The following PCCA variants were observed in gnomAD, a reference collection of about 807,000 sequenced individuals.
The protein encoded by PCCA is propionyl-CoA carboxylase subunit alpha, also known as propionyl-CoA carboxylase alpha chain, mitochondrial.
PCCA carries 74 observed loss-of-function variants against 101.3 expected under a neutral mutation model. The ratio of observed to expected loss-of-function variants is 0.73; its 90% CI spans 0.61 to 0.89. PCCA has a LOEUF of 0.89. Among genes scored for constraint, PCCA ranks in the 40% least tolerant of loss-of-function variants. PCCA has a pLI of 0.00. For missense variants in PCCA, 891 were observed against 907.0 expected, an observed-to-expected ratio of 0.98 and a Z score of 0.23; for synonymous variants, 294 against 313.6, an observed-to-expected ratio of 0.94 and a Z score of 0.66.
At chr13:100,409,543 G>A (rs2077900428) in intron 19 of PCCA, among the ~76,000 whole-genome samples, 1 of 152,108 alleles carries the variant, frequency 6.6e-6, no homozygotes, top group South Asian at 2.1e-4. Context: ...GGGCCAAACG[G>A]TGCAGATGGT....
At chr13:100,142,470 G>A (rs2152347083) in intron 4 of PCCA, among the ~76,000 whole-genome samples, 1 of 149,026 alleles carries the variant, frequency 6.7e-6, no homozygotes, top group African/African-American at 2.5e-5. Context: ...GATGAAATGA[G>A]CCTTCTTTTT....
chr13:100,283,426 A>C (rs1457440222), intron 12 of PCCA, among the ~76,000 whole-genome samples: 1 of 152,168 alleles, frequency 6.6e-6, no homozygotes, highest in Non-Finnish European at 1.5e-5. Flanking sequence ...TGAATTATTC[A>C]ATGATGTCCG....
At chr13:100,475,211 C>T (rs113109324) in intron 21 of PCCA, among the ~76,000 whole-genome samples, 161 of 152,200 alleles carry the variant, frequency 1.1e-3, no homozygotes, top group Non-Finnish European at 2.0e-3. Flanking sequence ...CAGCACCCAG[C>T]GATTCACTGG....
intron 14 of PCCA, among the ~76,000 whole-genome samples, chr13:100,306,638 A>G (rs925673053): frequency 6.0e-5 from 9 of 149,390 alleles, no homozygotes; most frequent in Non-Finnish European, 1.5e-5. Flanking sequence ...TCAGAACTCT[A>G]ATTGGGGCTT....
At chr13:100,420,735 T>G (rs1437804157) in intron 19 of PCCA, among the ~76,000 whole-genome samples, 5 of 152,184 alleles carry the variant, frequency 3.3e-5, no homozygotes, top group Non-Finnish European at 7.3e-5. Flanking sequence ...AAATTTGGTG[T>G]TGTAGTTGAA....
At chr13:100,144,022 C>A (rs112592339) in intron 4 of PCCA, among the ~76,000 whole-genome samples, 1 of 151,900 alleles carries the variant, frequency 6.6e-6, no homozygotes, top group African/African-American at 2.4e-5. Flanking sequence ...TCTTGGCCTC[C>A]GAAAGTGTTG....
chr13:100,440,183 TATATATATATATATATATATATATATAA>T (rs1008163997), intron 20 of PCCA, among the ~76,000 whole-genome samples: 6 of 96,288 alleles, frequency 6.2e-5, no homozygotes, highest in African/African-American at 3.0e-4. Flanking sequence ...TATATATATA[TATATATATATATATATATATATATATAA>T]AACGTGATAA....
At chr13:100,447,758 T>C (rs1036220917) in intron 20 of PCCA, among the ~76,000 whole-genome samples, 1 of 152,230 alleles carries the variant, frequency 6.6e-6, no homozygotes, top group Non-Finnish European at 1.5e-5. Context: ...GCCTTAAGTA[T>C]GCTATCTAGA....
intron 21 of PCCA, among the ~76,000 whole-genome samples, chr13:100,502,520 G>A (rs837289): frequency 0.6 from 90,706 of 152,094 alleles, 27,609 homozygotes; most frequent in East Asian, 0.85. Context: ...TTGAATTGCA[G>A]TGGTAAGAGG....
At chr13:100,257,241 T>A (rs562727729) in intron 8 of PCCA, among the ~76,000 whole-genome samples, 1 of 152,340 alleles carries the variant, frequency 6.6e-6, no homozygotes, top group Admixed American at 6.5e-5. Context: ...TGGAGATGTT[T>A]CCTGGTGCTA....
At chr13:100,359,096 C>CAAAAAAAAAAAAAA (rs35233154) in intron 18 of PCCA, among the ~76,000 whole-genome samples, 3 of 103,604 alleles carry the variant, frequency 2.9e-5, no homozygotes, top group Admixed American at 1.2e-4. Flanking sequence ...CAAGACTCCT[C>CAAAAAAAAAAAAAA]AAAAAAAAAA....
chr13:100,363,384 C>T (rs904558250), intron 18 of PCCA, among the ~76,000 whole-genome samples: 2 of 151,664 alleles, frequency 1.3e-5, no homozygotes, highest in Non-Finnish European at 1.5e-5. Flanking sequence ...ATCATTTCCT[C>T]GACTTATTCA....
intron 1 of PCCA, among the ~76,000 whole-genome samples, chr13:100,099,404 G>C (rs913094507): frequency 1.4e-5 from 2 of 143,374 alleles, no homozygotes; most frequent in Admixed American, 1.5e-4. Flanking sequence ...TACAACCTCT[G>C]CCTCCCGGGT....
chr13:100,163,730 T>C (rs1227026803), intron 6 of PCCA, among the ~76,000 whole-genome samples: 1 of 152,222 alleles, frequency 6.6e-6, no homozygotes, highest in African/African-American at 2.4e-5. Flanking sequence ...TCCATTAACA[T>C]TTAATAAATG....
intron 18 of PCCA, among the ~76,000 whole-genome samples, chr13:100,360,018 A>G (rs932653137): frequency 6.6e-6 from 1 of 152,206 alleles, no homozygotes; most frequent in Admixed American, 6.5e-5. Flanking sequence ...TGATAAAGAC[A>G]TACCTGAGAC....
chr13:100,137,164 A>G (rs1054762468), intron 4 of PCCA, among the ~76,000 whole-genome samples: 3 of 151,798 alleles, frequency 2.0e-5, no homozygotes, highest in Non-Finnish European at 4.4e-5. Flanking sequence ...AGATTTTTCT[A>G]CTGTCTTTCT....
intron 18 of PCCA, among the ~76,000 whole-genome samples, chr13:100,351,441 G>C (rs1566982249): frequency 6.6e-6 from 1 of 152,010 alleles, no homozygotes; most frequent in African/African-American, 2.4e-5. Context: ...TTTTTTCTCT[G>C]TTCGTATATA....
chr13:100,510,337 A>C (rs1447115829), intron 21 of PCCA, among the ~76,000 whole-genome samples: 1 of 152,224 alleles, frequency 6.6e-6, no homozygotes, highest in Non-Finnish European at 1.5e-5. Context: ...ACAAGCAAGC[A>C]GTTTAGAGGT....
At chr13:100,320,419 G>A in intron 16 of PCCA, among the ~76,000 whole-genome samples, 1 of 152,160 alleles carries the variant, frequency 6.6e-6, no homozygotes, top group East Asian at 1.9e-4. Context: ...CAAAGGGAAT[G>A]CTTCCAGTTT....
Sources: allele counts gnomAD v4.1 joint callset (sites outside exome capture counted in the v4.1 genomes callset), GRCh38; gene constraint gnomAD v4.1.1; transcripts MANE v1.5; gene names NCBI Gene and HGNC (gene_info 2026-07-23, HGNC 2026-07-21).